Variants in SLC44A5 observed in about 807,000 individuals in gnomAD.
SLC44A5 encodes choline transporter-like protein 5.
Under a neutral mutation model 101.8 loss-of-function variants are expected in SLC44A5, and 57 were observed. The ratio of observed to expected loss-of-function variants is 0.56; its 90% confidence interval spans 0.45 to 0.70. SLC44A5 has a LOEUF of 0.70. Among genes scored for constraint, SLC44A5 ranks in the 30% least tolerant of loss-of-function variants. The probability of loss-of-function intolerance (pLI) is 0.00; values close to 1 mark genes in which losing one functional copy is unlikely to be tolerated. For missense variants in SLC44A5, 737 were observed against 853.1 expected (o/e 0.86, Z 1.70); for synonymous variants, 281 against 290.9 (o/e 0.97, Z 0.35).
intron 2 of SLC44A5, among the ~76,000 whole-genome samples, chr1:75,531,695 TCTTACCATC>T (rs1670729617): frequency 6.6e-6 from 1 of 152,226 alleles, no homozygotes; most frequent in Non-Finnish European, 1.5e-5. Flanking sequence ...AATCTCTTTA[TCTTACCATC>T]CTTAGTAACA....
chr1:75,316,338 C>T (rs930737900), intron 4 of SLC44A5, among the ~76,000 whole-genome samples: 1 of 152,128 alleles, frequency 6.6e-6, no homozygotes, highest in Non-Finnish European at 1.5e-5. Flanking sequence ...GCCTTGAAAG[C>T]TCTCTCACCC....
chr1:75,433,524 C>G (rs1010978995), intron 2 of SLC44A5, among the ~76,000 whole-genome samples: 1 of 152,174 alleles, frequency 6.6e-6, no homozygotes, highest in Non-Finnish European at 1.5e-5. Context: ...ACCCTCTCCT[C>G]CTTTTTGCTC....
chr1:75,517,541 G>A (rs1258911446), intron 2 of SLC44A5, among the ~76,000 whole-genome samples: 1 of 152,126 alleles, frequency 6.6e-6, no homozygotes, highest in East Asian at 1.9e-4. Flanking sequence ...AACACAAAGG[G>A]TAGGAGAAAA....
chr1:75,512,943 C>T (rs1017494837), intron 2 of SLC44A5, among the ~76,000 whole-genome samples: 6 of 152,150 alleles, frequency 3.9e-5, no homozygotes, highest in Admixed American at 1.3e-4. Flanking sequence ...TCATAGTATT[C>T]GGGACTTTTT....
chr1:75,293,145 A>G (rs1388468980), intron 5 of SLC44A5, among the ~76,000 whole-genome samples: 3 of 152,258 alleles, frequency 2.0e-5, no homozygotes, highest in Admixed American at 2.0e-4. Context: ...ATAGCAGATA[A>G]CCAAAGATTG....
intron 4 of SLC44A5, among the ~76,000 whole-genome samples, chr1:75,307,070 A>C (rs774839880): frequency 1.3e-5 from 2 of 152,076 alleles, no homozygotes; most frequent in Non-Finnish European, 2.9e-5. Context: ...TGAAATTCCA[A>C]TGATATCAAC....
chr1:75,500,435 C>T lies in SLC44A5; in HGVS notation c.13+41000G>A, dbSNP rs550735078. ...GATAAACAAAAGTAATATTTACCAT[C>T]ACTTTATCTACCTTCTGCCAGTACA... On this transcript the variant is annotated intron_variant, in intron 2 of 23. Transcript: ENST00000370859. Among the ~76,000 whole-genome samples, 55 of 151,748 alleles carry T rather than the reference C, an allele frequency of 3.6e-4. 1 individual carries two copies. The highest frequency in any genetic ancestry group is 1.3e-3 in the African/African-American group (55 of 41,402).
At position 75,300,705 on chromosome 1, in the gene SLC44A5, T is replaced by A. The variant is rs749846986; in HGVS notation, c.102-20A>T. The A allele has an allele frequency of 7.9e-6, 12 of 1,528,114 alleles. No homozygotes were observed. In the East Asian group the frequency reaches 2.4e-4, roughly 30 times the overall value. 94.7% of individuals were successfully genotyped at this position (1,528,114 alleles called of 1,614,324 possible). On this transcript the variant is annotated intron_variant, in intron 4 of 23. Transcript: ENST00000370859. ...CAACTCCTAAAGACAAAAAAAGAAA[T>A]AAATAATTAAAAGAGGTCCCAAATG...
At chr1:75,410,312 T>C (rs1663191434) in intron 2 of SLC44A5, among the ~76,000 whole-genome samples, 1 of 152,094 alleles carries the variant, frequency 6.6e-6, no homozygotes, top group Non-Finnish European at 1.5e-5. Flanking sequence ...ATTTCTGAAT[T>C]ATTCATGCAA....
rs191471958 is a variant in SLC44A5 at position 75,507,252 on chromosome 1, C to T, written c.13+34183G>A. On this transcript the variant is annotated intron_variant, in intron 2 of 23. Transcript: ENST00000370859. ...TGCCTAGTTTGTTGAGAGTTTTTATCGTGAAAGGATGTTAGATTTTATTTA... is the reference window on the plus strand; with the variant it reads ...TGCCTAGTTTGTTGAGAGTTTTTATTGTGAAAGGATGTTAGATTTTATTTA... Among the ~76,000 whole-genome samples, 8 of 152,084 alleles carry T rather than the reference C, an allele frequency of 5.3e-5. No homozygotes were observed. The East Asian group carries it at 1.5e-3, about 29-fold the overall frequency.
chr1:75,403,023 C>A (rs1312885359), intron 2 of SLC44A5, among the ~76,000 whole-genome samples: 1 of 152,168 alleles, frequency 6.6e-6, no homozygotes, highest in Non-Finnish European at 1.5e-5. Context: ...GGGACGTCCA[C>A]CATTACTGAG....
At chr1:75,403,000 G>C (rs1268530) in intron 2 of SLC44A5, among the ~76,000 whole-genome samples, 96,169 of 152,002 alleles carry the variant, frequency 0.63, 32,088 homozygotes, top group East Asian at 0.96. Flanking sequence ...GACACTTGAG[G>C]TTGATGGGGG....
chr1:75,461,832 C>T (rs909246522), intron 2 of SLC44A5, among the ~76,000 whole-genome samples: 3 of 152,196 alleles, frequency 2.0e-5, no homozygotes, highest in African/African-American at 7.2e-5. Flanking sequence ...GATAAGACTC[C>T]TCTGCCTTTG....
chr1:75,695,863 C>G, the SLC44A5 span, among the ~76,000 whole-genome samples: 1 of 149,030 alleles, frequency 6.7e-6, no homozygotes, highest in Non-Finnish European at 1.5e-5. Context: ...ATATATAAAC[C>G]TGATACTGAA....
At chr1:75,667,195 C>T in the SLC44A5 span, among the ~76,000 whole-genome samples, 1 of 152,078 alleles carries the variant, frequency 6.6e-6, no homozygotes, top group Non-Finnish European at 1.5e-5. Context: ...TCATCTCAGC[C>T]CAAAATCTCC....
At chr1:75,228,992 AG>A (rs1037214915) in intron 12 of SLC44A5, among the ~76,000 whole-genome samples, 1 of 151,428 alleles carries the variant, frequency 6.6e-6, no homozygotes, top group African/African-American at 2.4e-5. Context: ...TTTACCTAAA[AG>A]CTTACTAATT....
At chr1:75,435,208 T>C (rs957041302) in intron 2 of SLC44A5, among the ~76,000 whole-genome samples, 1 of 152,126 alleles carries the variant, frequency 6.6e-6, no homozygotes, top group East Asian at 1.9e-4. Context: ...GCTACCTCCA[T>C]CCCCAAAAGC....
the SLC44A5 span, among the ~76,000 whole-genome samples, chr1:75,681,853 A>G: frequency 6.6e-6 from 1 of 152,192 alleles, no homozygotes. Context: ...GCATATCTAG[A>G]AAACCCCACT....
At chr1:75,506,097 T>C (rs1669238940) in intron 2 of SLC44A5, among the ~76,000 whole-genome samples, 1 of 152,190 alleles carries the variant, frequency 6.6e-6, no homozygotes, top group Non-Finnish European at 1.5e-5. Context: ...GTACCATTTA[T>C]TGAATAGGAA....
Sources: allele counts gnomAD v4.1 joint callset (sites outside exome capture counted in the v4.1 genomes callset), GRCh38; gene constraint gnomAD v4.1.1; transcripts MANE v1.5; gene names NCBI Gene and HGNC (gene_info 2026-07-23, HGNC 2026-07-21).